DACH2: variants seen among roughly 807,000 people sequenced by gnomAD.
DACH2 encodes dachshund homolog 2.
Under a neutral mutation model 35.8 loss-of-function variants are expected in DACH2, and 17 were observed. The ratio of observed to expected loss-of-function variants is 0.48; its 90% CI spans 0.33 to 0.71. The LOEUF (loss-of-function observed/expected upper bound fraction) is 0.71. Among genes scored for constraint, DACH2 ranks in the 30% least tolerant of loss-of-function variants. The pLI, the probability that DACH2 is intolerant of heterozygous loss-of-function variation, is 0.02. For synonymous variants in DACH2, 195 were observed against 177.3 expected, an observed-to-expected ratio of 1.10 and a Z score of -0.79; for missense variants, 469 against 472.7, an observed-to-expected ratio of 0.99 and a Z score of 0.07.
intron 3 of DACH2, among the ~76,000 whole-genome samples, chrX:86,649,963 G>A (rs1200209474): frequency 9.1e-6 from 1 of 109,998 alleles, no homozygotes; most frequent in African/African-American, 3.3e-5. Context: ...TTTCTTTTTG[G>A]CCCATGGTAG....
At chrX:86,820,819 C>T (rs2147361240) in intron 11 of DACH2, among the ~76,000 whole-genome samples, 1 of 110,071 alleles carries the variant, frequency 9.1e-6, no homozygotes, top group South Asian at 3.9e-4. Flanking sequence ...CCCCTTAGAC[C>T]TCCTTATTAT....
At chrX:86,360,442 C>A (rs750902235) in intron 1 of DACH2, among the ~76,000 whole-genome samples, 6 of 111,666 alleles carry the variant, frequency 5.4e-5, no homozygotes, top group Non-Finnish European at 1.1e-4. Flanking sequence ...ATGGACATTT[C>A]TCATTAATAT....
In DACH2 at chrX:86,537,663, T is replaced by C. The variant is rs1257486551; in HGVS notation, c.640+23272T>C. Among the ~76,000 whole-genome samples the C allele has an allele frequency of 8.0e-5, 9 of 111,878 alleles. No homozygotes were observed. The East Asian group carries it at 2.0e-3, about 24-fold the overall frequency. On this transcript the variant is annotated intron_variant, in intron 3 of 11. Transcript: ENST00000373125. The stretch of plus-strand genomic sequence containing the variant: ...CACAGCAACCTGAATTCTTTGCTTT[T>C]TAGTTATTTTTTTTCACCAGATATT...
Position 86,662,227 on chromosome X carries a change from G to T in DACH2, c.772+11060G>T, listed in dbSNP as rs751284884. On this transcript the variant is annotated intron_variant, in intron 4 of 11. Transcript: ENST00000373125. ...TTCTGGTCACATATGGGGTAAGACA[G>T]TTCAGATTAAGGGGGAGGAAATGTA... Among the ~76,000 whole-genome samples the T allele has an allele frequency of 2.7e-5, 3 of 111,662 alleles. No homozygotes were observed. In the South Asian group the frequency reaches 1.1e-3, roughly 42 times the overall value.
chrX:86,412,672 G>A (rs767529185), intron 2 of DACH2, among the ~76,000 whole-genome samples: 12 of 111,621 alleles, frequency 1.1e-4, no homozygotes, highest in African/African-American at 3.6e-4. Context: ...ACTAGTCTTG[G>A]TAGAAGATGG....
At chrX:86,434,266 T>G (rs2037031366) in intron 2 of DACH2, among the ~76,000 whole-genome samples, 1 of 111,905 alleles carries the variant, frequency 8.9e-6, no homozygotes, top group Non-Finnish European at 1.9e-5. Context: ...GATATGGGCA[T>G]GTAGTGCATA....
At chrX:86,740,631 C>A in intron 7 of DACH2, among the ~76,000 whole-genome samples, 1 of 106,466 alleles carries the variant, frequency 9.4e-6, no homozygotes, top group Non-Finnish European at 1.9e-5. Context: ...AGATGCTATT[C>A]CAGAAATTGG....
At chrX:86,757,924 A>G (rs1338099239) in intron 7 of DACH2, among the ~76,000 whole-genome samples, 1 of 111,895 alleles carries the variant, frequency 8.9e-6, no homozygotes, top group Non-Finnish European at 1.9e-5. Flanking sequence ...TAATACACTA[A>G]TTCAAACTCA....
intron 4 of DACH2, among the ~76,000 whole-genome samples, chrX:86,687,320 T>C (rs2040956235): frequency 9.0e-6 from 1 of 110,908 alleles, no homozygotes; most frequent in Non-Finnish European, 1.9e-5. Context: ...ACTAGAGAAA[T>C]GCAAATCAAA....
At chrX:86,320,304 A>C (rs2034991626) in intron 1 of DACH2, among the ~76,000 whole-genome samples, 1 of 112,453 alleles carries the variant, frequency 8.9e-6, no homozygotes, top group Admixed American at 9.4e-5. Context: ...ACTTTCAATT[A>C]AGCTGAGCGC....
chrX:86,317,110 C>T (rs1186114865), intron 1 of DACH2, among the ~76,000 whole-genome samples: 4 of 68,849 alleles, frequency 5.8e-5, no homozygotes, highest in Non-Finnish European at 1.1e-4. Context: ...GAGTGAGACT[C>T]CATCTCAAAA....
chrX:86,309,974 T>C (rs1401919004), intron 1 of DACH2, among the ~76,000 whole-genome samples: 2 of 112,217 alleles, frequency 1.8e-5, no homozygotes, highest in Non-Finnish European at 3.8e-5. Context: ...GTGCTTGAGG[T>C]TTCAGTGTCA....
intron 2 of DACH2, among the ~76,000 whole-genome samples, chrX:86,479,317 G>A (rs2037899935): frequency 9.0e-6 from 1 of 110,662 alleles, no homozygotes; most frequent in African/African-American, 3.3e-5. Context: ...CGTGAAAACA[G>A]GAGTGCCTGT....
rs375739986 is a variant in DACH2, at chrX:86,367,418, C to G, written c.489-9406C>G. On this transcript the variant is annotated intron_variant, in intron 1 of 11. Transcript: ENST00000373125. ...AATACCTCTAACAGGCAGGCAATAACTTTAAATCAGAGGAAAAAGGGTATG... is the reference window on the plus strand; with the variant it reads ...AATACCTCTAACAGGCAGGCAATAAGTTTAAATCAGAGGAAAAAGGGTATG... 3.1e-4 allele frequency among the ~76,000 whole-genome samples: 35 copies of G among 111,611 alleles called. No homozygotes were observed. The East Asian group carries it at 4.0e-3, about 13-fold the overall frequency.
intron 1 of DACH2, among the ~76,000 whole-genome samples, chrX:86,296,380 CAAAAAAAAAA>C (rs61713614): frequency 4.4e-5 from 3 of 68,460 alleles, no homozygotes; most frequent in African/African-American, 1.0e-4. Context: ...GACTCCATCT[CAAAAAAAAAA>C]AAAAAAAAAA....
chrX:86,379,271 A>T (rs190173105), intron 2 of DACH2, among the ~76,000 whole-genome samples: 72 of 111,419 alleles, frequency 6.5e-4, no homozygotes, highest in Admixed American at 5.8e-3. Flanking sequence ...TGAACTTTTG[A>T]TAGGCATTGG....
At chrX:86,195,639 T>A (rs778209714) in intron 1 of DACH2, among the ~76,000 whole-genome samples, 147 of 111,986 alleles carry the variant, frequency 1.3e-3, no homozygotes, top group Non-Finnish European at 1.0e-3. Context: ...TAAGGACAAG[T>A]CCCTTTGTCA....
intron 2 of DACH2, among the ~76,000 whole-genome samples, chrX:86,440,152 C>T (rs2037136181): frequency 9.0e-6 from 1 of 111,567 alleles, no homozygotes; most frequent in African/African-American, 3.3e-5. Context: ...GATGGTTTCA[C>T]TGAATTCAAC....
chrX:86,693,621 C>A (rs2041033734), intron 4 of DACH2, among the ~76,000 whole-genome samples: 2 of 112,130 alleles, frequency 1.8e-5, no homozygotes, highest in Non-Finnish European at 3.8e-5. Context: ...AGGAGGAATG[C>A]CAATTGGGCC....
Sources: gnomAD v4.1 joint callset for allele counts (sites outside exome capture counted in the v4.1 genomes callset) on GRCh38, gnomAD v4.1.1 for gene constraint, MANE v1.5 for transcripts, NCBI Gene and HGNC (gene_info 2026-07-23, HGNC 2026-07-21) for gene names.